Variants in EPB41L4A observed in about 807,000 individuals in gnomAD.
EPB41L4A encodes erythrocyte membrane protein band 4.1 like 4A, also known as band 4.1-like protein 4A.
In EPB41L4A, 100 loss-of-function variants were observed where a neutral mutation model predicts 108.6. The ratio of observed to expected loss-of-function variants is 0.92; its 90% CI spans 0.78 to 1.09. The LOEUF (loss-of-function observed/expected upper bound fraction) is 1.09, where lower values mean the gene tolerates loss of function less well. EPB41L4A is among the 50% of genes least tolerant of loss of function. The pLI, the probability that EPB41L4A is intolerant of heterozygous loss-of-function variation, is 0.00. For missense variants in EPB41L4A, 1,030 were observed against 842.7 expected, an observed-to-expected ratio of 1.22 and a Z score of -2.75; for synonymous variants, 319 against 289.0, an observed-to-expected ratio of 1.10 and a Z score of -1.05.
At chr5:112,292,203 G>A (rs1237806029) in intron 2 of EPB41L4A, among the ~76,000 whole-genome samples, 1 of 152,152 alleles carries the variant, frequency 6.6e-6, no homozygotes, top group Non-Finnish European at 1.5e-5. Flanking sequence ...TGGCTGCCTG[G>A]TAAGTATCTG....
chr5:112,278,289 A>C (rs1752734601), intron 3 of EPB41L4A, among the ~76,000 whole-genome samples: 1 of 148,126 alleles, frequency 6.8e-6, no homozygotes, highest in East Asian at 2.0e-4. Flanking sequence ...TCGCTCTGTC[A>C]TCCAGGCTGG....
At chr5:112,167,230 C>T (rs1161009792) in intron 22 of EPB41L4A, among the ~76,000 whole-genome samples, 1 of 151,154 alleles carries the variant, frequency 6.6e-6, no homozygotes, top group African/African-American at 2.4e-5. Context: ...AGAAGTTTAG[C>T]AGTATTAAAG....
At chr5:112,333,924 C>T (rs1168103148) in intron 1 of EPB41L4A, among the ~76,000 whole-genome samples, 2 of 152,142 alleles carry the variant, frequency 1.3e-5, no homozygotes, top group Non-Finnish European at 2.9e-5. Flanking sequence ...CTATCAACAG[C>T]GTAAACCAAA....
chr5:112,210,086 G>T, intron 12 of EPB41L4A, 104 bp from the exon 13 acceptor site: 1 of 642,504 alleles, frequency 1.6e-6, no homozygotes, highest in Non-Finnish European at 2.7e-6. Flanking sequence ...GGACACTGTG[G>T]CACATTTTAT....
At chr5:112,414,489 C>T (rs1159989687) in intron 1 of EPB41L4A, among the ~76,000 whole-genome samples, 1 of 152,104 alleles carries the variant, frequency 6.6e-6, no homozygotes, top group Non-Finnish European at 1.5e-5. Context: ...TGAGAGGAGG[C>T]AGGGAATGCT....
chr5:112,147,523 T>G (rs1363209484), intron 12 of EPB41L4A, among the ~76,000 whole-genome samples: 1 of 151,266 alleles, frequency 6.6e-6, no homozygotes, highest in Non-Finnish European at 1.5e-5. Flanking sequence ...GCCTGTGGTC[T>G]CAGCTACTTG....
chr5:112,270,797 G>A (rs776448945), intron 4 of EPB41L4A, among the ~76,000 whole-genome samples: 1 of 152,144 alleles, frequency 6.6e-6, no homozygotes, highest in Non-Finnish European at 1.5e-5. Flanking sequence ...AAGATTCTGG[G>A]TTGCAAAAAG....
intron 5 of EPB41L4A, among the ~76,000 whole-genome samples, chr5:112,265,288 G>A (rs1474546174): frequency 2.0e-5 from 3 of 151,944 alleles, no homozygotes; most frequent in African/African-American, 7.3e-5. Flanking sequence ...TCTTAACAAC[G>A]TATGTGAAGT....
At chr5:112,320,937 T>A (rs1214237925) in intron 1 of EPB41L4A, among the ~76,000 whole-genome samples, 1 of 152,180 alleles carries the variant, frequency 6.6e-6, no homozygotes, top group Non-Finnish European at 1.5e-5. Context: ...AACCCATGAA[T>A]GTGTCTGAGT....
At chr5:112,346,567 T>C (rs950452369) in intron 1 of EPB41L4A, among the ~76,000 whole-genome samples, 2 of 152,158 alleles carry the variant, frequency 1.3e-5, no homozygotes, top group East Asian at 3.9e-4. Context: ...AAAGAACTAA[T>C]AAAATGCCTA....
chr5:112,278,074 T>A (rs1752722607), intron 3 of EPB41L4A, among the ~76,000 whole-genome samples: 1 of 152,164 alleles, frequency 6.6e-6, no homozygotes, highest in South Asian at 2.1e-4. Flanking sequence ...CTATAAGCAT[T>A]CTGGTAACTA....
In EPB41L4A at chr5:112,234,730, G is replaced by A. The variant is rs776394562; in HGVS notation, c.991C>T (p.Arg331Ter). ...CGGGGAAGCTGAATAGAAAGATCTC[G>A]GCTCATTTGCAAAGCTGTCCTGCCA... ...YSGRTALQMS[R>*]DLSIQLPRPD... The change falls in exon 12 of 23, where the codon CGA (arginine) becomes TGA (stop). Residue 331 changes from arginine (R) to a stop codon, truncating the protein, a stop_gained. Coordinates refer to ENST00000261486, the MANE Select transcript of EPB41L4A (RefSeq NM_022140.5). LOFTEE classifies it high-confidence loss of function. 2.7e-5 allele frequency: 44 copies of A among 1,611,466 alleles called. No individual in the cohort carries two copies. Among genetic ancestry groups the A allele is most frequent in the Admixed American group, 5.0e-5 (3 of 59,948 alleles).
chr5:112,392,879 C>G (rs1360702259), intron 1 of EPB41L4A: 2 of 152,084 alleles, frequency 1.3e-5, no homozygotes, highest in African/African-American at 4.8e-5. Context: ...ACAGAAATCA[C>G]AACAAACTGT....
intron 1 of EPB41L4A, among the ~76,000 whole-genome samples, chr5:112,367,598 G>A (rs1261182446): frequency 1.3e-5 from 2 of 152,062 alleles, no homozygotes; most frequent in East Asian, 1.9e-4. Context: ...GGACAGGGAG[G>A]TGCCTTCCTT....
intron 15 of EPB41L4A, among the ~76,000 whole-genome samples, chr5:112,199,983 A>G (rs1762143899): frequency 6.6e-6 from 1 of 152,202 alleles, no homozygotes. Context: ...TACAAACACA[A>G]ATGTGATGTT....
chr5:112,278,853 G>T (rs147494918), intron 3 of EPB41L4A, among the ~76,000 whole-genome samples: 1 of 148,632 alleles, frequency 6.7e-6, no homozygotes, highest in African/African-American at 2.5e-5. Flanking sequence ...TCAGGAATTC[G>T]AGACCAGCCT....
At chr5:112,373,423 G>A (rs1561618982) in intron 1 of EPB41L4A, among the ~76,000 whole-genome samples, 1 of 152,090 alleles carries the variant, frequency 6.6e-6, no homozygotes, top group Non-Finnish European at 1.5e-5. Context: ...TCTCCCTATA[G>A]CCCAACCTGA....
Position 112,259,242 on chromosome 5 carries a change from A to C in EPB41L4A, c.782T>G (p.Val261Gly). 1 of 1,613,642 alleles carries C rather than the reference A, an allele frequency of 6.2e-7. No individual in the cohort carries two copies. The highest frequency in any genetic ancestry group is 1.3e-5 in the African/African-American group (1 of 75,042). Residue 261 changes from valine (V) to glycine (G), a missense_variant, in exon 9 of 23, where the codon GTA becomes GGA. Val to Gly is a moderately radical substitution (Grantham distance 109). Transcript: ENST00000261486. ...HFKETQFELRVLGKDCNETSF... is the reference protein window; with the variant it reads ...HFKETQFELRGLGKDCNETSF... ...TTGGAAACTTACATCTTTTCCCAGTACTCTGAGTTCAAATTGAGTCTCCTT... is the reference window on the plus strand; with the variant it reads ...TTGGAAACTTACATCTTTTCCCAGTCCTCTGAGTTCAAATTGAGTCTCCTT...
chr5:112,407,175 T>C (rs1351565611), intron 1 of EPB41L4A, among the ~76,000 whole-genome samples: 2 of 152,188 alleles, frequency 1.3e-5, no homozygotes, highest in East Asian at 1.9e-4. Context: ...TTCTGAATGC[T>C]TGAGATTCTC....
Sources: allele counts gnomAD v4.1 joint callset (sites outside exome capture counted in the v4.1 genomes callset), GRCh38; gene constraint gnomAD v4.1.1; transcripts MANE v1.5; gene names NCBI Gene and HGNC (gene_info 2026-07-23, HGNC 2026-07-21).